DIP2B: variants seen among roughly 807,000 people sequenced by gnomAD.
DIP2B encodes DIP2 acetate--CoA ligase B (putative), also known as disco-interacting protein 2 homolog B.
DIP2B carries 76 observed loss-of-function variants against 198.0 expected under a neutral mutation model. The observed-to-expected ratio is 0.38, with a 90% CI of 0.32 to 0.46. The LOEUF (loss-of-function observed/expected upper bound fraction) is 0.46, where lower values mean the gene tolerates loss of function less well. DIP2B is among the 20% of genes least tolerant of loss of function. The pLI, the probability that DIP2B is intolerant of heterozygous loss-of-function variation, is 0.99. For missense variants in DIP2B, 1,559 were observed against 1,978.4 expected (o/e 0.79, Z 4.02); for synonymous variants, 701 against 739.1 (o/e 0.95, Z 0.84).
chr12:50,544,622 T>C (rs1308888524), intron 1 of DIP2B, among the ~76,000 whole-genome samples: 1 of 103,664 alleles, frequency 9.6e-6, no homozygotes, highest in African/African-American at 3.2e-5. Context: ...AACTTTCTTT[T>C]TCTTTTTTTT....
At chr12:50,664,339 G>A (rs890432916) in intron 4 of DIP2B, among the ~76,000 whole-genome samples, 5 of 152,126 alleles carry the variant, frequency 3.3e-5, no homozygotes, top group Non-Finnish European at 7.4e-5. Context: ...CCTAAAATTT[G>A]CTTATTGAAT....
Position 50,739,564 on chromosome 12 carries a change from C to T in DIP2B, c.4332C>T (p.Thr1444=), listed in dbSNP as rs149838843. ...GATACCTTGGTTTTGTCCGCCGGAC[C>T]GAGCTCACAGCGGCCACTGGAGGTA... ...RTGYLGFVRR[T]ELTAATGERH... is the part of the protein sequence containing the mutation. The change falls in exon 36 of 38, where the codon ACC becomes ACT. Residue 1444 remains threonine (T), a synonymous_variant. Coordinates refer to ENST00000301180, the MANE Select transcript of DIP2B (RefSeq NM_173602.3). The T allele has an allele frequency of 2.5e-4, 402 of 1,613,942 alleles. 3 individuals are homozygous for T. In the African/African-American group the frequency reaches 4.4e-3, roughly 18 times the overall value.
chr12:50,507,956 A>G (rs1957982779), intron 1 of DIP2B, among the ~76,000 whole-genome samples: 1 of 151,546 alleles, frequency 6.6e-6, no homozygotes, highest in Admixed American at 6.6e-5. Context: ...TCCTAATCAT[A>G]GCAATAATCT....
chr12:50,564,637 C>T (rs1326240760), intron 1 of DIP2B, among the ~76,000 whole-genome samples: 1 of 152,046 alleles, frequency 6.6e-6, no homozygotes, highest in Non-Finnish European at 1.5e-5. Flanking sequence ...TGTTCATATC[C>T]CTGGCCCACT....
chr12:50,711,600 C>A (rs1939617214), intron 22 of DIP2B, among the ~76,000 whole-genome samples: 1 of 152,192 alleles, frequency 6.6e-6, no homozygotes, highest in Non-Finnish European at 1.5e-5. Flanking sequence ...TCACTCTTGT[C>A]TCCCAGGCTG....
chr12:50,578,824 C>G (rs973654962), intron 1 of DIP2B, among the ~76,000 whole-genome samples: 24 of 152,198 alleles, frequency 1.6e-4, no homozygotes, highest in African/African-American at 5.5e-4. Flanking sequence ...CTCTTTTATA[C>G]TGTGTTAAAG....
intron 1 of DIP2B, among the ~76,000 whole-genome samples, chr12:50,623,623 A>G (rs1052226990): frequency 6.6e-6 from 1 of 152,022 alleles, no homozygotes; most frequent in East Asian, 1.9e-4. Context: ...AAACATACCT[A>G]TTACTGTTTT....
intron 1 of DIP2B, among the ~76,000 whole-genome samples, chr12:50,561,066 T>C (rs567427602): frequency 1.3e-5 from 2 of 152,306 alleles, no homozygotes; most frequent in East Asian, 3.9e-4. Flanking sequence ...GCACATTAGA[T>C]TGGCAGTAAA....
Position 50,737,132 on chromosome 12 carries a change from T to C in DIP2B, c.4176+22T>C, listed in dbSNP as rs1474436266. 3 of 1,608,650 alleles carry C rather than the reference T, an allele frequency of 1.9e-6. No individual in the cohort carries two copies. In the South Asian group the frequency reaches 3.3e-5, roughly 18 times the overall value. ...AGAGGTTTGTAATAATTTTCATTTT[T>C]ACTCTGAAAAGTCAGCAGTAAAAAT... On this transcript the variant is annotated intron_variant, in intron 35 of 37. Coordinates refer to ENST00000301180, the MANE Select transcript of DIP2B (RefSeq NM_173602.3).
At chr12:50,678,635 T>C in intron 7 of DIP2B, 44 bp from the exon 8 acceptor site, 1 of 1,573,028 alleles carries the variant, frequency 6.4e-7, no homozygotes, top group Middle Eastern at 1.7e-4. Context: ...TTGTGTTCAT[T>C]GGTATTTGTA....
At chr12:50,623,507 C>G (rs1392170635) in intron 1 of DIP2B, among the ~76,000 whole-genome samples, 1 of 124,520 alleles carries the variant, frequency 8.0e-6, no homozygotes, top group Non-Finnish European at 1.7e-5. Flanking sequence ...ATATAGCCTT[C>G]CAGACACACA....
At chr12:50,550,753 A>G (rs1305996020) in intron 1 of DIP2B, among the ~76,000 whole-genome samples, 4 of 152,230 alleles carry the variant, frequency 2.6e-5, no homozygotes, top group African/African-American at 2.4e-5. Flanking sequence ...TACTGCGGAC[A>G]TAAATCTTAA....
At chr12:50,720,879 C>G (rs1014801524) in intron 25 of DIP2B, among the ~76,000 whole-genome samples, 1 of 152,220 alleles carries the variant, frequency 6.6e-6, no homozygotes, top group Non-Finnish European at 1.5e-5. Flanking sequence ...GAATCTCGCT[C>G]TGTCGCCCAG....
chr12:50,670,982 C>T (rs1188548411), intron 4 of DIP2B, among the ~76,000 whole-genome samples: 1 of 152,028 alleles, frequency 6.6e-6, no homozygotes, highest in Admixed American at 6.6e-5. Flanking sequence ...TAAAAATTAC[C>T]TATGGAGTTA....
intron 37 of DIP2B, chr12:50,743,719 T>C (rs1403029107): frequency 6.6e-6 from 1 of 152,312 alleles, no homozygotes; most frequent in South Asian, 2.1e-4. Flanking sequence ...AAAGCTCTTA[T>C]GGGGCAAATA....
At chr12:50,573,492 A>G (rs1958633121) in intron 1 of DIP2B, among the ~76,000 whole-genome samples, 2 of 152,220 alleles carry the variant, frequency 1.3e-5, no homozygotes, top group African/African-American at 4.8e-5. Context: ...ACCCAGTCTT[A>G]TAACCTTATC....
At chr12:50,567,095 C>CTTTT (rs1958571734) in intron 1 of DIP2B, among the ~76,000 whole-genome samples, 1 of 148,764 alleles carries the variant, frequency 6.7e-6, no homozygotes, top group Admixed American at 6.6e-5. Flanking sequence ...GTATTGTGAT[C>CTTTT]TTTTTATTTG....
At chr12:50,589,043 G>T (rs1958795516) in intron 1 of DIP2B, among the ~76,000 whole-genome samples, 1 of 151,700 alleles carries the variant, frequency 6.6e-6, no homozygotes, top group Admixed American at 6.6e-5. Flanking sequence ...AATTAGCCGG[G>T]TGTGGTGGCG....
At chr12:50,560,974 T>G (rs958755454) in intron 1 of DIP2B, among the ~76,000 whole-genome samples, 1 of 152,192 alleles carries the variant, frequency 6.6e-6, no homozygotes, top group Admixed American at 6.5e-5. Context: ...TTTTTACAAC[T>G]TAATATTTCT....
Sources: allele counts gnomAD v4.1 joint callset (sites outside exome capture counted in the v4.1 genomes callset), GRCh38; gene constraint gnomAD v4.1.1; transcripts MANE v1.5; gene names NCBI Gene and HGNC (gene_info 2026-07-23, HGNC 2026-07-21).